ZNF565: variants seen among roughly 807,000 people sequenced by gnomAD.
ZNF565 encodes zinc finger protein 565.
In ZNF565, 27 loss-of-function variants were observed where a neutral mutation model predicts 39.4. That is an observed-to-expected ratio of 0.69 (90% CI 0.51 to 0.95). ZNF565 has a LOEUF of 0.95. Among genes scored for constraint, ZNF565 ranks in the 40% least tolerant of loss-of-function variants. ZNF565 has a pLI of 0.00. For synonymous variants in ZNF565, 185 were observed against 216.6 expected (o/e 0.85, Z 1.28); for missense variants, 524 against 621.1 (o/e 0.84, Z 1.66).
At chr19:36,205,528 C>T (rs1463043204) in intron 1 of ZNF565, among the ~76,000 whole-genome samples, 1 of 151,136 alleles carries the variant, frequency 6.6e-6, no homozygotes, top group Non-Finnish European at 1.5e-5. Context: ...ACTCTCTCTC[C>T]AAAACAAAAA....
intron 1 of ZNF565, among the ~76,000 whole-genome samples, chr19:36,239,816 C>T (rs1489698843): frequency 6.6e-6 from 1 of 151,952 alleles, no homozygotes; most frequent in Non-Finnish European, 1.5e-5. Context: ...TGTAAACCAG[C>T]CCTTCATGAA....
chr19:36,237,112 C>T (rs1977671533), intron 1 of ZNF565: 1 of 1,614,174 alleles, frequency 6.2e-7, no homozygotes, highest in Non-Finnish European at 8.5e-7. Context: ...TCTCTCAGAG[C>T]TCATCTCTCA....
intron 4 of ZNF565, among the ~76,000 whole-genome samples, chr19:36,193,359 C>A (rs1975634972): frequency 6.6e-6 from 1 of 151,980 alleles, no homozygotes; most frequent in African/African-American, 2.4e-5. Flanking sequence ...CTCAGGTGAT[C>A]CACCCACCTC....
intron 4 of ZNF565, among the ~76,000 whole-genome samples, chr19:36,186,608 T>C (rs1465897920): frequency 6.6e-6 from 1 of 151,158 alleles, no homozygotes; most frequent in Non-Finnish European, 1.5e-5. Context: ...GGCAACATGG[T>C]GCAACCCCAT....
intron 4 of ZNF565, among the ~76,000 whole-genome samples, chr19:36,184,101 A>C (rs1000498089): frequency 2.0e-5 from 3 of 149,502 alleles, no homozygotes; most frequent in Non-Finnish European, 4.5e-5. Flanking sequence ...AAAAAAAAAA[A>C]AACTATAGTA....
intron 2 of ZNF565, among the ~76,000 whole-genome samples, chr19:36,198,796 C>T (rs1975855963): frequency 6.6e-6 from 1 of 152,090 alleles, no homozygotes; most frequent in African/African-American, 2.4e-5. Flanking sequence ...GATGGGGTTT[C>T]CTCATGTTGG....
In ZNF565 at chr19:36,245,435, G is replaced by A. The variant is rs1270992218; in HGVS notation, c.55+41C>T. 4.3e-6 allele frequency: 3 copies of A among 701,944 alleles called. No homozygotes were observed. The highest frequency in any genetic ancestry group is 5.4e-5 in the East Asian group (2 of 37,302). 43.5% of individuals were successfully genotyped at this position (701,944 alleles called of 1,614,324 possible). A position where few individuals can be genotyped will look rare whatever the true frequency, so the allele number is the denominator to read the frequency against. On this transcript the variant is annotated intron_variant, in intron 1 of 4. Transcript: ENST00000355114. The surrounding 1 kb of genome is among the most constrained non-coding windows in gnomAD (Gnocchi z 4.4). ...TTACGACGCCCACCCAGAAAATCCG[G>A]ATCACATTTCCCGTGGTCCACCGCG... is the stretch of plus-strand genomic sequence containing the variant.
chr19:36,229,724 A>T (rs1328351749), intron 1 of ZNF565, among the ~76,000 whole-genome samples: 7 of 151,878 alleles, frequency 4.6e-5, no homozygotes, highest in African/African-American at 1.7e-4. Flanking sequence ...TTTGTTATTT[A>T]TTTTCATTTT....
At chr19:36,200,647 C>T (rs1340166445) in intron 2 of ZNF565, among the ~76,000 whole-genome samples, 3 of 151,816 alleles carry the variant, frequency 2.0e-5, no homozygotes, top group Non-Finnish European at 4.4e-5. Flanking sequence ...TGCCACTGCA[C>T]CCAGCTAATT....
chr19:36,215,822 G>T (rs1456841641), upstream of ZNF565, among the ~76,000 whole-genome samples: 1 of 152,110 alleles, frequency 6.6e-6, no homozygotes, highest in African/African-American at 2.4e-5. Flanking sequence ...CCATATAACG[G>T]CGCCCAGGAT....
upstream of ZNF565, among the ~76,000 whole-genome samples, chr19:36,217,676 G>C (rs1235847803): frequency 1.3e-5 from 2 of 152,022 alleles, no homozygotes; most frequent in Non-Finnish European, 2.9e-5. Context: ...CCTGAGGTCA[G>C]GAGTTTGAGA....
intron 4 of ZNF565, among the ~76,000 whole-genome samples, chr19:36,190,169 T>TA (rs1038726113): frequency 1.1e-4 from 16 of 151,934 alleles, no homozygotes; most frequent in African/African-American, 3.1e-4. Context: ...TTAACTTTGC[T>TA]AAAAAAAATA....
chr19:36,236,548 T>G (rs765472613), intron 1 of ZNF565: 4 of 1,613,970 alleles, frequency 2.5e-6, no homozygotes, highest in Non-Finnish European at 2.5e-6. Context: ...AGCATGAGCA[T>G]TTTCACACGA....
intron 3 of ZNF565, chr19:36,194,759 G>T: frequency 3.6e-6 from 2 of 560,578 alleles, no homozygotes; most frequent in Non-Finnish European, 3.2e-6. Context: ...ATTGGCTTTG[G>T]CAGACAGAAA....
At chr19:36,207,301 T>C (rs1335730046) in intron 1 of ZNF565, among the ~76,000 whole-genome samples, 1 of 152,182 alleles carries the variant, frequency 6.6e-6, no homozygotes, top group Non-Finnish European at 1.5e-5. Context: ...CCTGGCACTT[T>C]GGAAGATCAA....
At position 36,183,636 on chromosome 19, in the gene ZNF565, C is replaced by A; in HGVS notation, c.330G>T (p.Leu110=). ...EIMESLKCSD[L]EGSDFRADWE... ...AGTCAGCTCTAAAATCGGAGCCCTC[C>A]AGGTCACTGCATTTAAGGCTTTCCA... is the stretch of plus-strand genomic sequence containing the variant. Residue 110 remains leucine, a synonymous_variant, in exon 5 of 5, where the codon CTG becomes CTT. Coordinates refer to ENST00000304116, the MANE Select transcript of ZNF565 (RefSeq NM_152477.5). 6.2e-7 allele frequency: 1 copy of A among 1,614,184 alleles called. No individual in the cohort carries two copies. The highest frequency in any genetic ancestry group is 1.1e-5 in the South Asian group (1 of 91,088).
rs139103330 is a variant in ZNF565, at chr19:36,194,303, G to A, written c.162C>T (p.Val54=). Residue 54 remains valine, a synonymous_variant, in exon 4 of 5, where the codon GTC becomes GTT. Transcript: ENST00000304116. ...SLGLSISKPD[V]VSLLEQGKEP... ...CTTTCCCTTGCTCCAATAAGGAGAC[G>A]ACATCAGGCTTAGAAATGGAGAGTC... The A allele has an allele frequency of 6.4e-5, 103 of 1,612,144 alleles. No homozygotes were observed. In the African/African-American group the frequency reaches 8.9e-4, roughly 14 times the overall value.
At chr19:36,194,454 G>A (rs544719926) in intron 3 of ZNF565, 126 bp from the exon 4 acceptor site, 37 of 630,952 alleles carry the variant, frequency 5.9e-5, no homozygotes, top group Admixed American at 5.3e-4. Flanking sequence ...TAGGAAGACC[G>A]AGCTGCCCAG....
rs2029893535 is a variant in ZNF565 at position 36,245,683 on chromosome 19, C to G, written c.-153G>C. ...GTGCCCGGGTGAATGGGTTCAGGGT[C>G]TCTTAAGGACCCTCCGTTGACGATG... On this transcript the variant is annotated 5_prime_UTR_variant, in exon 1 of 5. Coordinates refer to the ZNF565 transcript ENST00000355114. This position sits in a 1 kb window ranked among gnomAD's most constrained non-coding sequence, Gnocchi z 4.4. The G allele has an allele frequency of 1.6e-6, 1 of 626,360 alleles. No homozygotes were observed. Among genetic ancestry groups the G allele is most frequent in the East Asian group, 2.8e-5 (1 of 36,214 alleles). The allele number at this position is 626,360 out of a possible 1,614,324, so 38.8% of individuals were successfully genotyped here. A position where few individuals can be genotyped will look rare whatever the true frequency, so the allele number is the denominator to read the frequency against.
Sources: allele counts gnomAD v4.1 joint callset (sites outside exome capture counted in the v4.1 genomes callset), GRCh38; gene constraint gnomAD v4.1.1; non-coding constraint Gnocchi (gnomAD v3.1); transcripts MANE v1.5; gene names NCBI Gene and HGNC (gene_info 2026-07-23, HGNC 2026-07-21).